The following EVI5 variants were observed in gnomAD, a reference collection of about 807,000 sequenced individuals.
EVI5 encodes the protein ecotropic viral integration site 5 protein homolog.
Under a neutral mutation model 112.0 loss-of-function variants are expected in EVI5, and 73 were observed. That is an observed-to-expected ratio of 0.65 (90% CI 0.54 to 0.79). EVI5 has a LOEUF of 0.79. Ranked by LOEUF, EVI5 falls within the 30% of genes least tolerant of loss-of-function variation. The pLI, the probability that EVI5 is intolerant of heterozygous loss-of-function variation, is 0.00. For synonymous variants in EVI5, 305 were observed against 319.9 expected (o/e 0.95, Z 0.50); for missense variants, 900 against 968.8 (o/e 0.93, Z 0.94).
intron 1 of EVI5, among the ~76,000 whole-genome samples, chr1:92,765,671 C>A (rs1682517315): frequency 6.6e-6 from 1 of 152,020 alleles, no homozygotes; most frequent in African/African-American, 2.4e-5. Context: ...TGCTGGATTC[C>A]CTACCAAACC....
At chr1:92,531,873 G>T (rs971826034) in intron 19 of EVI5, among the ~76,000 whole-genome samples, 1 of 152,138 alleles carries the variant, frequency 6.6e-6, no homozygotes, top group Non-Finnish European at 1.5e-5. Context: ...TGAAGAAACT[G>T]CAACAACTAA....
chr1:92,711,361 T>C (rs559109108), intron 2 of EVI5, among the ~76,000 whole-genome samples: 1 of 152,340 alleles, frequency 6.6e-6, no homozygotes, highest in South Asian at 2.1e-4. Flanking sequence ...TGTTTTCCTA[T>C]GGATACCAGA....
chr1:92,759,054 C>G (rs181383644), intron 1 of EVI5, among the ~76,000 whole-genome samples: 6 of 152,198 alleles, frequency 3.9e-5, no homozygotes, highest in Admixed American at 3.3e-4. Flanking sequence ...CATGGTGAAA[C>G]CCCATCTCTA....
At chr1:92,572,646 T>C (rs1044864368) in intron 18 of EVI5, among the ~76,000 whole-genome samples, 3 of 152,082 alleles carry the variant, frequency 2.0e-5, no homozygotes, top group Non-Finnish European at 4.4e-5. Flanking sequence ...GTAGTGGTGA[T>C]AGGATTGGAA....
chr1:92,733,024 G>A (rs1676740933), intron 2 of EVI5: 1 of 157,934 alleles, frequency 6.3e-6, no homozygotes, highest in African/African-American at 2.4e-5. Flanking sequence ...ACCAGCCTGG[G>A]CAATACAGTG....
At chr1:92,635,502 T>C (rs1658598079) in intron 14 of EVI5, among the ~76,000 whole-genome samples, 1 of 152,194 alleles carries the variant, frequency 6.6e-6, no homozygotes, top group Non-Finnish European at 1.5e-5. Flanking sequence ...AACCTCCTGG[T>C]GTGCTGTTTG....
chr1:92,741,242 G>C (rs1185121365), intron 1 of EVI5, among the ~76,000 whole-genome samples: 1 of 152,202 alleles, frequency 6.6e-6, no homozygotes. Context: ...AGGCAATCTG[G>C]TTGGAGATTC....
chr1:92,703,112 T>A (rs922534718), intron 4 of EVI5, among the ~76,000 whole-genome samples: 10 of 152,180 alleles, frequency 6.6e-5, no homozygotes, highest in Non-Finnish European at 1.5e-5. Flanking sequence ...ACTTCACAGA[T>A]GGTGAATTAT....
chr1:92,762,175 C>T (rs1267439921), intron 1 of EVI5, among the ~76,000 whole-genome samples: 1 of 152,164 alleles, frequency 6.6e-6, no homozygotes, highest in Non-Finnish European at 1.5e-5. Context: ...TCTTAGATGT[C>T]TATATGGCAT....
intron 1 of EVI5, chr1:92,756,538 G>T: frequency 3.8e-6 from 2 of 526,146 alleles, no homozygotes; most frequent in South Asian, 2.8e-5. Context: ...GCCGTGTACT[G>T]AACAGCTATT....
chr1:92,625,004 A>T (rs1391365111), intron 15 of EVI5, among the ~76,000 whole-genome samples: 1 of 152,160 alleles, frequency 6.6e-6, no homozygotes, highest in Non-Finnish European at 1.5e-5. Context: ...TACAGTTCAA[A>T]TTTTTTCTCT....
Position 92,595,067 on chromosome 1 carries a change from A to C in EVI5, c.2070+10240T>G, listed in dbSNP as rs984102854. The stretch of plus-strand genomic sequence containing the variant: ...TGACCCAGCCATCCCATCACTGGGT[A>C]TATACCCAAAGGATTATAAATCATG... On this transcript the variant is annotated intron_variant, in intron 18 of 19. Coordinates refer to ENST00000684568, the MANE Select transcript of EVI5 (RefSeq NM_001350197.2). Among the ~76,000 whole-genome samples the C allele has an allele frequency of 1.2e-3, 178 of 151,978 alleles. 1 individual carries two copies. Among genetic ancestry groups the C allele is most frequent in the African/African-American group, 4.2e-3 (173 of 41,544 alleles).
intron 1 of EVI5, among the ~76,000 whole-genome samples, chr1:92,782,662 T>C (rs774985342): frequency 6.6e-6 from 1 of 152,116 alleles, no homozygotes; most frequent in Non-Finnish European, 1.5e-5. Context: ...TAGAACCACT[T>C]TGGGAAAATG....
rs1463296959 is a variant in EVI5, at chr1:92,784,951, G to A, written c.-197C>T. On this transcript the variant is annotated 5_prime_UTR_variant, in exon 1 of 20. Coordinates refer to ENST00000684568, the MANE Select transcript of EVI5 (RefSeq NM_001350197.2). Reference sequence around the variant, plus strand: ...CCTGGCTCCACGGGTCGCCCGTCCCGAGTTCCCAAAAGCACCACGCTCACT... The same window carrying A: ...CCTGGCTCCACGGGTCGCCCGTCCCAAGTTCCCAAAAGCACCACGCTCACT... 5.1e-6 allele frequency: 5 copies of A among 985,832 alleles called. No homozygotes were observed. Among genetic ancestry groups the A allele is most frequent in the Non-Finnish European group, 6.0e-6 (5 of 830,308 alleles). The allele number at this position is 985,832 out of a possible 1,614,324, so 61.1% of individuals were successfully genotyped here. A position where few individuals can be genotyped will look rare whatever the true frequency, so the allele number is the denominator to read the frequency against.
chr1:92,510,608 A>C lies in EVI5; in HGVS notation c.*3048T>G, dbSNP rs201544687. On this transcript the variant is annotated 3_prime_UTR_variant, in exon 20 of 20. Coordinates refer to ENST00000684568, the MANE Select transcript of EVI5 (RefSeq NM_001350197.2). Reference sequence around the variant, plus strand: ...CAAGGGTTAGCAAACTTTTTCTGTAAAGGATCAGATAAATATTTTAGGCTA... The same window carrying C: ...CAAGGGTTAGCAAACTTTTTCTGTACAGGATCAGATAAATATTTTAGGCTA... The C allele has an allele frequency of 6.6e-6, 1 of 152,172 alleles. No individual in the cohort carries two copies. The highest frequency in any genetic ancestry group is 1.5e-5 in the Non-Finnish European group (1 of 68,040). 9.4% of individuals were successfully genotyped at this position (152,172 alleles called of 1,614,324 possible).
At chr1:92,517,561 C>T (rs1350202073) in intron 19 of EVI5, among the ~76,000 whole-genome samples, 3 of 152,218 alleles carry the variant, frequency 2.0e-5, no homozygotes, top group African/African-American at 7.2e-5. Flanking sequence ...GAACTATGAA[C>T]ATCTGACTAG....
At chr1:92,752,137 C>A (rs1347234644) in intron 1 of EVI5, among the ~76,000 whole-genome samples, 1 of 152,026 alleles carries the variant, frequency 6.6e-6, no homozygotes, top group Admixed American at 6.6e-5. Context: ...TTTTCCTTTA[C>A]CTCTGGGAAC....
intron 18 of EVI5, among the ~76,000 whole-genome samples, chr1:92,601,553 CACA>C (rs1241349202): frequency 2.2e-4 from 32 of 143,406 alleles, no homozygotes; most frequent in Admixed American, 1.8e-3. Context: ...TTCTGTCATT[CACA>C]ACAACATGAA....
At chr1:92,723,960 G>C (rs1302863550) in intron 2 of EVI5, among the ~76,000 whole-genome samples, 1 of 152,140 alleles carries the variant, frequency 6.6e-6, no homozygotes, top group African/African-American at 2.4e-5. Flanking sequence ...AGACTTACTA[G>C]GATTGGGAAA....
Sources: allele counts gnomAD v4.1 joint callset (sites outside exome capture counted in the v4.1 genomes callset), GRCh38; gene constraint gnomAD v4.1.1; transcripts MANE v1.5; gene names NCBI Gene and HGNC (gene_info 2026-07-23, HGNC 2026-07-21).